MSH4: variants seen among roughly 807,000 people sequenced by gnomAD.
The protein encoded by MSH4 is mutS protein homolog 4.
Under a neutral mutation model 113.7 loss-of-function variants are expected in MSH4, and 106 were observed. That is an observed-to-expected ratio of 0.93 (90% CI 0.80 to 1.10). The LOEUF is 1.10. Among genes scored for constraint, MSH4 ranks in the 50% least tolerant of loss-of-function variants. The pLI is 0.00. For synonymous variants in MSH4, 368 were observed against 380.2 expected (o/e 0.97, Z 0.37); for missense variants, 1,061 against 1,093.7 (o/e 0.97, Z 0.42).
intron 14 of MSH4, among the ~76,000 whole-genome samples, chr1:75,882,002 T>C (rs774227304): frequency 1.3e-5 from 2 of 152,088 alleles, no homozygotes; most frequent in Non-Finnish European, 2.9e-5. Context: ...TTCATTACAT[T>C]AAAAACATTG....
At chr1:75,878,114 T>C in intron 10 of MSH4, 35 bp from the exon 11 acceptor site, 1 of 1,401,310 alleles carries the variant, frequency 7.1e-7, no homozygotes, top group Non-Finnish European at 9.7e-7. Context: ...TTTGACTTAT[T>C]GCCTATAATG....
chr1:75,903,776 CTT>C (rs1652560935), intron 19 of MSH4, among the ~76,000 whole-genome samples: 1 of 151,874 alleles, frequency 6.6e-6, no homozygotes, highest in Non-Finnish European at 1.5e-5. Flanking sequence ...TTGGTGGAGT[CTT>C]TAGGGTTTTC....
At chr1:75,798,090 G>T (rs1184719974) in intron 1 of MSH4, among the ~76,000 whole-genome samples, 2 of 152,136 alleles carry the variant, frequency 1.3e-5, no homozygotes, top group Non-Finnish European at 2.9e-5. Flanking sequence ...TCATTTTTCA[G>T]TTCATCTCAT....
rs143902879 is a variant in MSH4 at position 75,816,437 on chromosome 1, T to A, written c.880T>A (p.Tyr294Asn). Residue 294 changes from tyrosine (Y) to asparagine (N), a missense_variant, in exon 6 of 20, where the codon TAT (tyrosine) becomes AAT (asparagine). Coordinates refer to ENST00000263187, the MANE Select transcript of MSH4 (RefSeq NM_002440.4). ...KYVEFIQNSV[Y>N]APKSLKICFQ... ...TGTTGAATTTATTCAAAATTCAGTT[T>A]ATGCACCAAAATCACTGAAGATTTG... 2 of 1,610,048 alleles carry A rather than the reference T, an allele frequency of 1.2e-6. No individual in the cohort carries two copies. The highest frequency in any genetic ancestry group is 1.7e-6 in the Non-Finnish European group (2 of 1,177,604).
chr1:75,888,962 TC>T, intron 15 of MSH4, among the ~76,000 whole-genome samples: 1 of 150,834 alleles, frequency 6.6e-6, no homozygotes, highest in South Asian at 2.1e-4. Context: ...TGGCGCGATC[TC>T]GGCTCACTGC....
chr1:75,840,128 A>G, intron 7 of MSH4, among the ~76,000 whole-genome samples: 1 of 152,032 alleles, frequency 6.6e-6, no homozygotes, highest in East Asian at 1.9e-4. Context: ...TCAGGGATCT[A>G]GAACTAGAAA....
rs138132528 is a variant in MSH4, at chr1:75,902,424, T to C, written c.2619+2718T>C. On this transcript the variant is annotated intron_variant, in intron 19 of 19. Coordinates refer to ENST00000263187, the MANE Select transcript of MSH4 (RefSeq NM_002440.4). ...TTTATGTCCATGTGTACCCATTGTTTAGCTCTCACTTATAAGTGAGAACAT... is the reference window on the plus strand; with the variant it reads ...TTTATGTCCATGTGTACCCATTGTTCAGCTCTCACTTATAAGTGAGAACAT... Among the ~76,000 whole-genome samples, 818 of 151,894 alleles carry C rather than the reference T, an allele frequency of 5.4e-3. 9 individuals carry two copies. The highest frequency in any genetic ancestry group is 0.018 in the African/African-American group (767 of 41,484).
intron 3 of MSH4, 111 bp downstream of exon 3, chr1:75,807,252 A>T: frequency 1.3e-6 from 1 of 763,638 alleles, no homozygotes; most frequent in Non-Finnish European, 1.9e-6. Context: ...GTTATTCATT[A>T]TTATGTCAAT....
intron 9 of MSH4, among the ~76,000 whole-genome samples, chr1:75,870,738 A>G (rs997322132): frequency 3.9e-5 from 6 of 152,188 alleles, no homozygotes; most frequent in Non-Finnish European, 8.8e-5. Flanking sequence ...TTTTTCCTTT[A>G]TAAATTACCC....
At chr1:75,798,302 A>T (rs565836253) in intron 1 of MSH4, among the ~76,000 whole-genome samples, 1 of 152,092 alleles carries the variant, frequency 6.6e-6, no homozygotes, top group Non-Finnish European at 1.5e-5. Context: ...AACTCTTTTA[A>T]TTTGGCTTCC....
intron 5 of MSH4, among the ~76,000 whole-genome samples, chr1:75,815,567 A>G (rs1182626805): frequency 6.6e-6 from 1 of 152,218 alleles, no homozygotes; most frequent in African/African-American, 2.4e-5. Context: ...ATTCAGCATG[A>G]GACAGAGAAT....
At chr1:75,823,579 T>C (rs1650478461) in intron 7 of MSH4, among the ~76,000 whole-genome samples, 1 of 152,182 alleles carries the variant, frequency 6.6e-6, no homozygotes. Flanking sequence ...ATCTAGGTTT[T>C]AAGCCTTGCA....
chr1:75,805,847 A>AATC (rs965054732), intron 2 of MSH4, among the ~76,000 whole-genome samples: 5 of 152,042 alleles, frequency 3.3e-5, no homozygotes, highest in African/African-American at 7.2e-5. Context: ...CTAATTTAGT[A>AATC]ATCATCATCA....
At chr1:75,835,903 TC>T (rs570832537) in intron 7 of MSH4, among the ~76,000 whole-genome samples, 61 of 152,332 alleles carry the variant, frequency 4.0e-4, no homozygotes, top group Middle Eastern at 3.4e-3. Context: ...TCTTGTTGGT[TC>T]TCTGTACAGA....
chr1:75,896,346 AACACACACACACAC>A (rs4035039), intron 17 of MSH4, among the ~76,000 whole-genome samples: 4,039 of 137,274 alleles, frequency 0.029, 93 homozygotes, highest in Admixed American at 0.068. Flanking sequence ...ACACACATAC[AACACACACACACAC>A]ACACACACAC....
At position 75,816,429 on chromosome 1, in the gene MSH4, A is replaced by T. The variant is rs1650293779; in HGVS notation, c.872A>T (p.Asn291Ile). The change falls in exon 6 of 20, where the codon AAT becomes ATT. Residue 291 changes from asparagine (N) to isoleucine (I), a missense_variant. Asn to Ile is a moderately radical substitution (Grantham distance 149, BLOSUM62 -3). Transcript: ENST00000263187. ...ALLKYVEFIQ[N>I]SVYAPKSLKI... ...TTAAAATATGTTGAATTTATTCAAAATTCAGTTTATGCACCAAAATCACTG... is the reference window on the plus strand; with the variant it reads ...TTAAAATATGTTGAATTTATTCAAATTTCAGTTTATGCACCAAAATCACTG... The T allele has an allele frequency of 1.2e-6, 2 of 1,609,368 alleles. No homozygotes were observed. The highest frequency in any genetic ancestry group is 2.7e-5 in the African/African-American group (2 of 74,878).
intron 17 of MSH4, among the ~76,000 whole-genome samples, chr1:75,892,395 T>TC (rs1652275581): frequency 6.7e-6 from 1 of 148,428 alleles, no homozygotes; most frequent in Non-Finnish European, 1.5e-5. Flanking sequence ...TCTCTCTCTC[T>TC]TTCTCTCTCT....
Position 75,890,984 on chromosome 1 carries a change from G to T in MSH4, c.2355+160G>T, listed in dbSNP as rs190107617. Among the ~76,000 whole-genome samples, 436 of 152,206 alleles carry T rather than the reference G, an allele frequency of 2.9e-3. 5 individuals carry two copies. The highest frequency in any genetic ancestry group is 0.01 in the African/African-American group (422 of 41,550). ...TTTTGTTCCTTCATTTCCAATGAAA[G>T]TGGGAATCATTAGTTTGATAACCAT... On this transcript the variant is annotated intron_variant, in intron 17 of 19. Coordinates refer to ENST00000263187, the MANE Select transcript of MSH4 (RefSeq NM_002440.4).
rs554036802 is a variant in MSH4, at chr1:75,826,293, G to A, written c.1162+3712G>A. Among the ~76,000 whole-genome samples the A allele has an allele frequency of 9.7e-4, 139 of 143,136 alleles. 2 individuals carry two copies. Among genetic ancestry groups the A allele is most frequent in the Non-Finnish European group, 2.1e-4 (14 of 66,356 alleles). The allele number at this position is 143,136 out of a possible 152,430, so 93.9% of individuals were successfully genotyped here. A position where few individuals can be genotyped will look rare whatever the true frequency, so the allele number is the denominator to read the frequency against. On this transcript the variant is annotated intron_variant, in intron 7 of 19. Transcript: ENST00000263187. ...TTCTCTGATGTTAGTTTGTATTTCT[G>A]TGGGATCAGTGGTGATATCCCCTTT... is the stretch of plus-strand genomic sequence containing the variant.
Sources: allele counts gnomAD v4.1 joint callset (sites outside exome capture counted in the v4.1 genomes callset), GRCh38; gene constraint gnomAD v4.1.1; transcripts MANE v1.5; gene names NCBI Gene and HGNC (gene_info 2026-07-23, HGNC 2026-07-21).